Variants in CLASP2 observed in about 807,000 individuals in gnomAD.
The protein encoded by CLASP2 is CLIP-associating protein 2.
CLASP2 carries 47 observed loss-of-function variants against 194.4 expected under a neutral mutation model. The observed-to-expected ratio is 0.24, with a 90% CI of 0.19 to 0.31. CLASP2 has a LOEUF of 0.31. Among genes scored for constraint, CLASP2 ranks in the 10% least tolerant of loss-of-function variants. The probability of loss-of-function intolerance (pLI) is 1.00; values close to 1 mark genes in which losing one functional copy is unlikely to be tolerated. For synonymous variants in CLASP2, 619 were observed against 633.5 expected (o/e 0.98, Z 0.34); for missense variants, 1,445 against 1,823.6 (o/e 0.79, Z 3.78).
chr3:33,556,407 G>C (rs969269992), intron 29 of CLASP2, among the ~76,000 whole-genome samples: 1 of 151,372 alleles, frequency 6.6e-6, no homozygotes, highest in Non-Finnish European at 1.5e-5. Flanking sequence ...CTAAACACTG[G>C]TGTAAGAGTT....
In CLASP2 at chr3:33,584,727, TAAA is replaced by T. The variant is rs371484858; in HGVS notation, c.2239+20_2239+22del. 592 of 1,250,362 alleles carry T rather than the reference TAAA, an allele frequency of 4.7e-4. No individual in the cohort carries two copies. The highest frequency in any genetic ancestry group is 1.6e-3 in the South Asian group (93 of 59,294). 77.5% of individuals were successfully genotyped at this position (1,250,362 alleles called of 1,614,324 possible). ...AAAAAAAAGGGTTACATGTCTCACATAAAAAAAAAAAAAAAATCTTACCCACTG... is the reference window on the plus strand; with the variant it reads ...AAAAAAAAGGGTTACATGTCTCACATAAAAAAAAAAAAATCTTACCCACTG... On this transcript the variant is annotated intron_variant, in intron 22 of 38. Coordinates refer to ENST00000682230, the MANE Select transcript of CLASP2 (RefSeq NM_001365631.1).
At chr3:33,688,708 A>G (rs1472763920) in intron 3 of CLASP2, among the ~76,000 whole-genome samples, 2 of 152,240 alleles carry the variant, frequency 1.3e-5, no homozygotes, top group Non-Finnish European at 2.9e-5. Context: ...TGCTGCCATT[A>G]TAAGTCCAGC....
intron 36 of CLASP2, among the ~76,000 whole-genome samples, chr3:33,513,985 T>A (rs1446485289): frequency 2.0e-5 from 3 of 152,016 alleles, no homozygotes; most frequent in African/African-American, 7.3e-5. Flanking sequence ...TTCCTTTGAT[T>A]TTTTATTTAT....
chr3:33,581,477 A>T (rs916829559), intron 23 of CLASP2, among the ~76,000 whole-genome samples: 1 of 152,256 alleles, frequency 6.6e-6, no homozygotes, highest in Admixed American at 6.5e-5. Flanking sequence ...TTATCAAACT[A>T]GTCCGCATTT....
chr3:33,622,028 CAT>C, intron 11 of CLASP2, 105 bp downstream of exon 11: 1 of 829,598 alleles, frequency 1.2e-6, no homozygotes, highest in Non-Finnish European at 1.7e-6. Context: ...ATTTTTGGAT[CAT>C]ATACTTTTTT....
rs543103938 is a variant in CLASP2, at chr3:33,521,940, T to C, written c.3788-4766A>G. On this transcript the variant is annotated intron_variant, in intron 34 of 38. Coordinates refer to ENST00000682230, the MANE Select transcript of CLASP2 (RefSeq NM_001365631.1). ...CTGTGCACATGTTGCTGGAGCAGCTTGCACACAGCTTGTGGGAATCAGGGC... is the reference window on the plus strand; with the variant it reads ...CTGTGCACATGTTGCTGGAGCAGCTCGCACACAGCTTGTGGGAATCAGGGC... Among the ~76,000 whole-genome samples the C allele has an allele frequency of 1.9e-3, 296 of 151,980 alleles. 1 individual carries two copies. Among genetic ancestry groups the C allele is most frequent in the African/African-American group, 6.8e-3 (282 of 41,448 alleles).
chr3:33,675,325 A>C (rs2088323670), intron 6 of CLASP2, among the ~76,000 whole-genome samples: 1 of 152,210 alleles, frequency 6.6e-6, no homozygotes, highest in Admixed American at 6.6e-5. Context: ...AAACAGAACC[A>C]AAGACAAAAA....
intron 28 of CLASP2, 24 bp downstream of exon 28, chr3:33,560,784 T>G: frequency 6.2e-7 from 1 of 1,602,174 alleles, no homozygotes; most frequent in Non-Finnish European, 8.5e-7. Flanking sequence ...CAGGTTAACT[T>G]GAAATATATG....
chr3:33,677,999 C>G (rs548706483), intron 6 of CLASP2, among the ~76,000 whole-genome samples: 1 of 143,898 alleles, frequency 6.9e-6, no homozygotes, highest in Non-Finnish European at 1.5e-5. Flanking sequence ...GGGCTTATTA[C>G]TAGACTGCAC....
intron 37 of CLASP2, chr3:33,503,397 T>C (rs2047285620): frequency 6.6e-6 from 1 of 152,016 alleles, no homozygotes; most frequent in Non-Finnish European, 1.5e-5. Flanking sequence ...AGGTGGGTTA[T>C]ATGACAATTT....
intron 1 of CLASP2, 97 bp downstream of exon 1, chr3:33,717,711 G>T: frequency 1.5e-6 from 2 of 1,321,428 alleles, no homozygotes; most frequent in Non-Finnish European, 2.1e-6. Context: ...CTTAAGCAGT[G>T]GTTCGGACGG....
intron 24 of CLASP2, among the ~76,000 whole-genome samples, chr3:33,573,635 G>T (rs1372943165): frequency 6.6e-6 from 1 of 152,054 alleles, no homozygotes; most frequent in Non-Finnish European, 1.5e-5. Flanking sequence ...AAAAAATGTG[G>T]GTTTTTCCTT....
intron 21 of CLASP2, among the ~76,000 whole-genome samples, chr3:33,589,995 G>C (rs979762445): frequency 1.3e-5 from 2 of 151,896 alleles, no homozygotes; most frequent in African/African-American, 2.4e-5. Context: ...AAGGCAGTAA[G>C]AATAACAAGG....
chr3:33,647,808 G>T (rs1438398436), intron 7 of CLASP2, among the ~76,000 whole-genome samples: 1 of 152,156 alleles, frequency 6.6e-6, no homozygotes, highest in East Asian at 1.9e-4. Context: ...GCCGAGGCAG[G>T]TGGGTGACGA....
At chr3:33,616,617 T>C (rs1416950048) in intron 12 of CLASP2, among the ~76,000 whole-genome samples, 5 of 151,828 alleles carry the variant, frequency 3.3e-5, no homozygotes, top group African/African-American at 1.2e-4. Context: ...GAAATTTCCA[T>C]AATCTAATAT....
At chr3:33,711,128 T>A (rs777038543) in intron 1 of CLASP2, among the ~76,000 whole-genome samples, 1 of 151,932 alleles carries the variant, frequency 6.6e-6, no homozygotes, top group Non-Finnish European at 1.5e-5. Context: ...TAAGGGCCCA[T>A]ATAATGGTCA....
intron 32 of CLASP2, among the ~76,000 whole-genome samples, chr3:33,540,200 G>A (rs147006693): frequency 6.8e-6 from 1 of 147,678 alleles, no homozygotes; most frequent in South Asian, 2.1e-4. Flanking sequence ...AAAGTGTTGC[G>A]ATTACACGCA....
chr3:33,538,767 G>A (rs1009884619), intron 33 of CLASP2, 22 bp downstream of exon 33: 3 of 1,525,014 alleles, frequency 2.0e-6, no homozygotes, highest in Non-Finnish European at 2.6e-6. Flanking sequence ...AGTCTGGAAA[G>A]TAAGGATATT....
intron 18 of CLASP2, among the ~76,000 whole-genome samples, chr3:33,600,953 C>CT (rs1205156622): frequency 0.072 from 7,663 of 105,816 alleles, 528 homozygotes; most frequent in African/African-American, 0.078. Flanking sequence ...CTTGATAAGG[C>CT]TTTTTTTTTT....
Sources: gnomAD v4.1 joint callset for allele counts (sites outside exome capture counted in the v4.1 genomes callset) on GRCh38, gnomAD v4.1.1 for gene constraint, MANE v1.5 for transcripts, NCBI Gene and HGNC (gene_info 2026-07-23, HGNC 2026-07-21) for gene names.